Variants in UBR3 observed in about 807,000 individuals in gnomAD.
UBR3 encodes E3 ubiquitin-protein ligase UBR3.
A neutral mutation model predicts 243.2 loss-of-function variants in UBR3; 85 were observed. That is an observed-to-expected ratio of 0.35 (90% confidence interval 0.29 to 0.42). The LOEUF (loss-of-function observed/expected upper bound fraction) is 0.42, where lower values mean the gene tolerates loss of function less well. UBR3 is among the 10% of genes least tolerant of loss of function. UBR3 has a pLI of 1.00. For missense variants in UBR3, 1,686 were observed against 2,300.8 expected (o/e 0.73, Z 5.47); for synonymous variants, 748 against 799.8 (o/e 0.94, Z 1.09).
intron 14 of UBR3, 58 bp from the exon 15 acceptor site, chr2:169,926,634 T>TTAA: frequency 6.9e-7 from 1 of 1,452,902 alleles, no homozygotes; most frequent in East Asian, 2.5e-5. Context: ...AAAAACATGA[T>TTAA]TAATAGAAGA....
At chr2:169,897,407 T>C (rs1046545722) in intron 8 of UBR3, among the ~76,000 whole-genome samples, 4 of 152,126 alleles carry the variant, frequency 2.6e-5, no homozygotes, top group Non-Finnish European at 4.4e-5. Context: ...TAGTTACTCA[T>C]CTTAACTTTA....
intron 8 of UBR3, among the ~76,000 whole-genome samples, chr2:169,903,662 C>G (rs1438551087): frequency 6.6e-6 from 1 of 152,102 alleles, no homozygotes; most frequent in Non-Finnish European, 1.5e-5. Flanking sequence ...AGTAGAGGCC[C>G]TCCTGACTGA....
chr2:170,050,390 A>T (rs1274960710), intron 32 of UBR3, among the ~76,000 whole-genome samples: 1 of 152,212 alleles, frequency 6.6e-6, no homozygotes, highest in Admixed American at 6.5e-5. Context: ...AAAAATTATC[A>T]TGGTGATAGG....
intron 24 of UBR3, among the ~76,000 whole-genome samples, chr2:169,971,120 C>CT (rs1423710644): frequency 3.3e-5 from 5 of 151,952 alleles, no homozygotes; most frequent in Admixed American, 2.6e-4. Context: ...GCATAAATGT[C>CT]TTCTTTTGAG....
At chr2:169,946,422 A>G (rs1277950812) in intron 21 of UBR3, 30 bp downstream of exon 21, 13 of 1,330,902 alleles carry the variant, frequency 9.8e-6, no homozygotes, top group Middle Eastern at 1.9e-4. Context: ...TAAAATTTTT[A>G]GATAGGCAGC....
chr2:170,070,747 T>G (rs2091679995), intron 35 of UBR3, among the ~76,000 whole-genome samples: 1 of 152,142 alleles, frequency 6.6e-6, no homozygotes, highest in African/African-American at 2.4e-5. Context: ...ATGAAAATAT[T>G]TTGGAATTTG....
chr2:169,974,717 T>C (rs1298034829), intron 24 of UBR3, among the ~76,000 whole-genome samples: 1 of 152,178 alleles, frequency 6.6e-6, no homozygotes, highest in Non-Finnish European at 1.5e-5. Context: ...GGTTTATTTT[T>C]GCTTTTCTGG....
chr2:169,984,416 G>C (rs1261446786), intron 24 of UBR3, among the ~76,000 whole-genome samples: 1 of 152,132 alleles, frequency 6.6e-6, no homozygotes, highest in Non-Finnish European at 1.5e-5. Flanking sequence ...GTCTCTTTCT[G>C]TCACTGCTTC....
At chr2:169,852,502 C>G (rs1418613340) in intron 1 of UBR3, among the ~76,000 whole-genome samples, 1 of 152,104 alleles carries the variant, frequency 6.6e-6, no homozygotes, top group Non-Finnish European at 1.5e-5. Flanking sequence ...TGAGTAATTA[C>G]AACAGACTGC....
intron 29 of UBR3, among the ~76,000 whole-genome samples, chr2:170,010,874 G>C (rs1410884920): frequency 1.3e-5 from 2 of 150,962 alleles, no homozygotes; most frequent in African/African-American, 4.9e-5. Context: ...TCATTACAAA[G>C]AAAACAAAGG....
intron 24 of UBR3, among the ~76,000 whole-genome samples, chr2:169,965,128 C>A (rs753036144): frequency 5.3e-5 from 8 of 152,174 alleles, no homozygotes; most frequent in Non-Finnish European, 1.0e-4. Flanking sequence ...CATTTTCACC[C>A]ATTGCTCAAG....
intron 1 of UBR3, among the ~76,000 whole-genome samples, chr2:169,836,698 T>C (rs2082124473): frequency 6.6e-6 from 1 of 151,990 alleles, no homozygotes. Context: ...ATTTTACCAA[T>C]CTGTTGGATA....
intron 17 of UBR3, 54 bp downstream of exon 17, chr2:169,927,459 T>C: frequency 1.5e-6 from 2 of 1,296,770 alleles, no homozygotes; most frequent in Non-Finnish European, 2.1e-6. Flanking sequence ...AATAAGTATT[T>C]TTTATGATTA....
intron 1 of UBR3, among the ~76,000 whole-genome samples, chr2:169,871,787 C>A (rs2083448975): frequency 7.0e-6 from 1 of 142,854 alleles, no homozygotes; most frequent in Non-Finnish European, 1.6e-5. Flanking sequence ...GGAATGTATA[C>A]ACTTCAGTGT....
intron 1 of UBR3, among the ~76,000 whole-genome samples, chr2:169,855,426 T>C (rs1191249680): frequency 2.0e-5 from 3 of 152,070 alleles, no homozygotes; most frequent in African/African-American, 4.8e-5. Context: ...CATAGGACAA[T>C]AGTGGAGGGA....
chr2:170,053,324 A>C (rs909710079), intron 32 of UBR3, among the ~76,000 whole-genome samples: 3 of 152,084 alleles, frequency 2.0e-5, no homozygotes, highest in African/African-American at 7.2e-5. Context: ...TACCTGCATG[A>C]CCCCAGTAAA....
At chr2:170,007,756 C>T (rs1301034485) in intron 28 of UBR3, among the ~76,000 whole-genome samples, 4 of 152,008 alleles carry the variant, frequency 2.6e-5, no homozygotes, top group Admixed American at 6.6e-5. Flanking sequence ...CCCAGCTACA[C>T]GGGAGGCTGA....
At position 170,079,963 on chromosome 2, in the gene UBR3, T is replaced by G; in HGVS notation, c.5349T>G (p.Gly1783=). 1 of 1,614,116 alleles carries G rather than the reference T, an allele frequency of 6.2e-7. No homozygotes were observed. The highest frequency in any genetic ancestry group is 8.5e-7 in the Non-Finnish European group (1 of 1,179,980). ...PKDPAVCLVC[G]TFVCLKGLCC... ...ATCCTGCTGTTTGCCTTGTGTGTGG[T>G]ACTTTTGTATGCCTGAAAGGACTTT... The change falls in exon 37 of 39, where the codon GGT becomes GGG. Residue 1783 remains glycine (G), a synonymous_variant. Coordinates refer to ENST00000272793, the MANE Select transcript of UBR3 (RefSeq NM_172070.4).
intron 24 of UBR3, among the ~76,000 whole-genome samples, chr2:169,983,942 G>C (rs1252538499): frequency 6.6e-6 from 1 of 152,136 alleles, no homozygotes; most frequent in Non-Finnish European, 1.5e-5. Context: ...AGTTAAAGTA[G>C]AACTTAAGAA....
Sources: gnomAD v4.1 joint callset for allele counts (sites outside exome capture counted in the v4.1 genomes callset) on GRCh38, gnomAD v4.1.1 for gene constraint, MANE v1.5 for transcripts, NCBI Gene and HGNC (gene_info 2026-07-23, HGNC 2026-07-21) for gene names.